Variants in SYNPO2L observed in about 807,000 individuals in gnomAD.
The protein encoded by SYNPO2L is synaptopodin 2 like.
In SYNPO2L, 34 loss-of-function variants were observed where a neutral mutation model predicts 47.5. The observed-to-expected ratio is 0.72, with a 90% confidence interval of 0.54 to 0.95. The LOEUF (loss-of-function observed/expected upper bound fraction) is 0.95. Among genes scored for constraint, SYNPO2L ranks in the 40% least tolerant of loss-of-function variants. SYNPO2L has a pLI of 0.00. For synonymous variants in SYNPO2L, 536 were observed against 524.9 expected (o/e 1.02, Z -0.29); for missense variants, 1,246 against 1,282.0 (o/e 0.97, Z 0.43).
In SYNPO2L at chr10:73,653,202, G is replaced by A. The variant is rs2081854207; in HGVS notation, c.709C>T (p.Pro237Ser). 6 of 1,478,476 alleles carry A rather than the reference G, an allele frequency of 4.1e-6. No homozygotes were observed. Among genetic ancestry groups the A allele is most frequent in the East Asian group, 5.0e-5 (2 of 40,178 alleles). The allele number at this position is 1,478,476 out of a possible 1,614,324, so 91.6% of individuals were successfully genotyped here. Reference sequence around the variant, plus strand: ...TCTTCTGCCACTGGGTGGGGAACAGGCCCCACCATAGGGATGAGATGAGGA... The same window carrying A: ...TCTTCTGCCACTGGGTGGGGAACAGACCCCACCATAGGGATGAGATGAGGA... ...PGPHLIPMVG[P>S]VPHPVAEDLT... The change falls in exon 3 of 4, where the codon CCT becomes TCT. Residue 237 changes from proline (P) to serine (S), a missense_variant. Physicochemically the swap from Pro to Ser is moderately conservative, Grantham distance 74. Around this residue, in one of 3 missense-constraint regions of SYNPO2L, gnomAD observed 1,037 missense variants for 1,021.5 expected, o/e 1.02. Coordinates refer to ENST00000394810, the MANE Select transcript of SYNPO2L (RefSeq NM_001114133.3).
rs983104393 is a variant in SYNPO2L, at chr10:73,653,292, C to T, written c.619G>A (p.Gly207Arg). 2.6e-5 allele frequency: 41 copies of T among 1,551,140 alleles called. No individual in the cohort carries two copies. Among genetic ancestry groups the T allele is most frequent in the Non-Finnish European group, 3.4e-5 (39 of 1,146,834 alleles). The change falls in exon 3 of 4, where the codon GGG becomes AGG. Residue 207 changes from glycine to arginine, a missense_variant. Gly to Arg is a moderately radical substitution (Grantham distance 125, BLOSUM62 -2). Coordinates refer to ENST00000394810, the MANE Select transcript of SYNPO2L (RefSeq NM_001114133.3). ...SRVSSPSWED[G>R]AALQPPPAEA... The stretch of plus-strand genomic sequence containing the variant: ...GCTGGGGGTGGCTGAAGGGCTGCCC[C>T]ATCCTCCCAAGACGGGGAGCTCACA...
intron 3 of SYNPO2L, 32 bp downstream of exon 3, chr10:73,653,107 C>A (rs1214737155): frequency 1.4e-6 from 2 of 1,439,826 alleles, no homozygotes; most frequent in Admixed American, 5.8e-5. Flanking sequence ...ATTGAAGGAT[C>A]CTGGCTGGGG....
At position 73,647,336 on chromosome 10, in the gene SYNPO2L, A is replaced by AT; in HGVS notation, c.2315dup (p.Tyr772Ter). The change falls in exon 4 of 4, where the codon TAT (tyrosine) becomes TAAT (stop). Residue 772 changes from tyrosine (Y) to a stop codon, truncating the protein, a stop_gained and frameshift_variant. Coordinates refer to ENST00000394810, the MANE Select transcript of SYNPO2L (RefSeq NM_001114133.3). LOFTEE classifies it high-confidence loss of function. ...CAGGACCAGGTGTACCTTCCACCAC[A>AT]TACCTGTCCGCACGGCTCTGCCGCT... Reference protein sequence around the residue: ...FAKRQSRADRYVVEGTPGPGL... With the variant: ...FAKRQSRADR 1 of 1,614,074 alleles carries AT rather than the reference A, an allele frequency of 6.2e-7. No homozygotes were observed. Among genetic ancestry groups the AT allele is most frequent in the Non-Finnish European group, 8.5e-7 (1 of 1,180,002 alleles).
At position 73,648,578 on chromosome 10, in the gene SYNPO2L, G is replaced by T; in HGVS notation, c.1074C>A (p.Asp358Glu). ...TTGAGCCCGCCCTGGCAAGCTCCAT[G>T]TCCAGATAGGGACTGTCCCAGTCAG... ...NQSDWDSPYL[D>E]MELARAGSRA... is the part of the protein sequence containing the mutation. Residue 358 changes from aspartate to glutamate, a missense_variant, in exon 4 of 4, where the codon GAC becomes GAA. Physicochemically the swap from Asp to Glu is conservative, Grantham distance 45. Coordinates refer to ENST00000394810, the MANE Select transcript of SYNPO2L (RefSeq NM_001114133.3). The T allele has an allele frequency of 6.2e-7, 1 of 1,614,202 alleles. No homozygotes were observed. The highest frequency in any genetic ancestry group is 1.1e-5 in the South Asian group (1 of 91,088).
Position 73,648,699 on chromosome 10 carries a change from CCAG to C in SYNPO2L, c.950_952del (p.Ala317del). 1 of 1,610,132 alleles carries C rather than the reference CCAG, an allele frequency of 6.2e-7. No homozygotes were observed. The highest frequency in any genetic ancestry group is 8.5e-7 in the Non-Finnish European group (1 of 1,176,766). On this transcript the variant is annotated inframe_deletion, in exon 4 of 4. Transcript: ENST00000394810. ...GCCGTCCTCCTCCTCAGCGCCTGTC[CCAG>C]CAGCAGCCCCGAAGCTCACCAGGGT...
chr10:73,645,266 CATT>C lies in SYNPO2L; in HGVS notation c.*1449_*1451del. The C allele has an allele frequency of 2.7e-6, 3 of 1,092,136 alleles. No individual in the cohort carries two copies. The highest frequency in any genetic ancestry group is 2.3e-6 in the Non-Finnish European group (2 of 887,920). The allele number at this position is 1,092,136 out of a possible 1,614,324, so 67.7% of individuals were successfully genotyped here. On this transcript the variant is annotated 3_prime_UTR_variant, in exon 4 of 4. Transcript: ENST00000394810. ...CCACCATCATTCCCTTCCATTCTAA[CATT>C]CTTCTCCCTCAAATTTTTTTCCAAT...
In SYNPO2L at chr10:73,646,914, GTGGC is replaced by G. The variant is rs754383343; in HGVS notation, c.2734_2737del (p.Ala912LeufsTer41). On this transcript the variant is annotated frameshift_variant, in exon 4 of 4. Transcript: ENST00000394810. LOFTEE classifies it high-confidence loss of function. The stretch of plus-strand genomic sequence containing the variant: ...TCTCCAGATGGGCTCATCCAGTGTA[GTGGC>G]TGCTCGGGGGGCAAGCACAGTGGGA... 2.0e-5 allele frequency: 31 copies of G among 1,584,684 alleles called. No homozygotes were observed. Among genetic ancestry groups the G allele is most frequent in the Non-Finnish European group, 2.5e-5 (29 of 1,162,976 alleles).
In SYNPO2L at chr10:73,648,599, G is replaced by A; in HGVS notation, c.1053C>T (p.Asp351=). The A allele has an allele frequency of 6.2e-7, 1 of 1,614,160 alleles. No individual in the cohort carries two copies. ...CCATGTCCAGATAGGGACTGTCCCA[G>A]TCAGATTGATTGGTGAGGCTGCGGG... ...SDARSLTNQS[D]WDSPYLDMEL... is the part of the protein sequence containing the mutation. The change falls in exon 4 of 4, where the codon GAC becomes GAT. Residue 351 remains aspartate, a synonymous_variant. Coordinates refer to ENST00000394810, the MANE Select transcript of SYNPO2L (RefSeq NM_001114133.3).
chr10:73,656,018 CCTG>C lies in SYNPO2L; in HGVS notation c.-99_-97del. 9.7e-7 allele frequency: 1 copy of C among 1,031,614 alleles called. No homozygotes were observed. Among genetic ancestry groups the C allele is most frequent in the Non-Finnish European group, 1.4e-6 (1 of 717,106 alleles). The allele number at this position is 1,031,614 out of a possible 1,614,324, so 63.9% of individuals were successfully genotyped here. A position where few individuals can be genotyped will look rare whatever the true frequency, so the allele number is the denominator to read the frequency against. ...CCGTCTGGGCTTCCTGTCCGGCTGT[CCTG>C]CTCCTGCTGCCCCAGGCCTCCCCCC... On this transcript the variant is annotated 5_prime_UTR_variant, in exon 1 of 4. Transcript: ENST00000394810.
chr10:73,648,230 G>A lies in SYNPO2L; in HGVS notation c.1422C>T (p.Gly474=), dbSNP rs1334101991. ...TGGTAGTTGGCCGCTGCCCTTGTAG[G>A]CCCGGGGTAAAGGGCCTGGCTGACC... ...FNRSARPFTP[G]LQGQRPTTTS... Residue 474 remains glycine (G), a synonymous_variant, in exon 4 of 4, where the codon GGC becomes GGT. Transcript: ENST00000394810. 2 of 1,586,332 alleles carry A rather than the reference G, an allele frequency of 1.3e-6. No homozygotes were observed. The highest frequency in any genetic ancestry group is 1.7e-6 in the Non-Finnish European group (2 of 1,169,080).
chr10:73,653,983 A>C, intron 2 of SYNPO2L, 146 bp downstream of exon 2: 1 of 1,098,310 alleles, frequency 9.1e-7, no homozygotes, highest in Non-Finnish European at 1.3e-6. Flanking sequence ...TCTGGGAGGC[A>C]GACACAAACC....
At chr10:73,649,840 G>GTT (rs1372337936) in intron 3 of SYNPO2L, 1 of 985,260 alleles carries the variant, frequency 1.0e-6, no homozygotes, top group East Asian at 1.1e-4. Context: ...CCAAGATGCA[G>GTT]GAAAAGTTAG....
rs1394127863 is a variant in SYNPO2L at position 73,648,133 on chromosome 10, G to C, written c.1519C>G (p.Pro507Ala). ...GGCCCCTGCGAAGACAAGAAGGGGG[G>C]TGGGGCGGGGCTGAGGCCCCCCAGG... is the stretch of plus-strand genomic sequence containing the variant. ...DSLGGLSPAP[P>A]PFLSSQGPTP... The change falls in exon 4 of 4, where the codon CCC (proline) becomes GCC (alanine). Residue 507 changes from proline to alanine, a missense_variant. Coordinates refer to ENST00000394810, the MANE Select transcript of SYNPO2L (RefSeq NM_001114133.3). 2 of 1,538,564 alleles carry C rather than the reference G, an allele frequency of 1.3e-6. 1 individual carries two copies. The highest frequency in any genetic ancestry group is 2.5e-5 in the South Asian group (2 of 79,340).
intron 2 of SYNPO2L, 100 bp downstream of exon 2, chr10:73,654,029 G>C (rs915005876): frequency 1.4e-6 from 2 of 1,417,932 alleles, no homozygotes; most frequent in East Asian, 5.0e-5. Context: ...AGCAGAAATA[G>C]GTACCTGTTA....
chr10:73,645,876 G>T lies in SYNPO2L; in HGVS notation c.*842C>A. 1.0e-6 allele frequency: 1 copy of T among 979,984 alleles called. No homozygotes were observed. Among genetic ancestry groups the T allele is most frequent in the Non-Finnish European group, 1.2e-6 (1 of 824,578 alleles). The allele number at this position is 979,984 out of a possible 1,614,324, so 60.7% of individuals were successfully genotyped here. A position where few individuals can be genotyped will look rare whatever the true frequency, so the allele number is the denominator to read the frequency against. ...GTCTCGCTCCGTCGCCCAGGCTGGA[G>T]TGCAGTGGCGCAATCTCAGCTCACT... On this transcript the variant is annotated 3_prime_UTR_variant, in exon 4 of 4. Coordinates refer to ENST00000394810, the MANE Select transcript of SYNPO2L (RefSeq NM_001114133.3).
rs148105482 is a variant in SYNPO2L, at chr10:73,647,790, G to T, written c.1862C>A (p.Thr621Lys). Reference protein sequence around the residue: ...EQRISVPAARTGILQEARRRG... With the variant: ...EQRISVPAARKGILQEARRRG... ...GCGCCGGGCCTCCTGCAGGATACCC[G>T]TGCGGGCAGCTGGCACAGAGATGCG... is the stretch of plus-strand genomic sequence containing the variant. The change falls in exon 4 of 4, where the codon ACG becomes AAG. Residue 621 changes from threonine (T) to lysine (K), a missense_variant. Thr to Lys is a moderately conservative substitution (Grantham distance 78, BLOSUM62 -1). Around this residue, in one of 3 missense-constraint regions of SYNPO2L, gnomAD observed 1,037 missense variants for 1,021.5 expected, o/e 1.02. Coordinates refer to ENST00000394810, the MANE Select transcript of SYNPO2L (RefSeq NM_001114133.3). 1.2e-6 allele frequency: 2 copies of T among 1,611,218 alleles called. No homozygotes were observed. Among genetic ancestry groups the T allele is most frequent in the Non-Finnish European group, 1.7e-6 (2 of 1,178,138 alleles).
At chr10:73,652,066 CAAAAA>C (rs1178972762) in intron 3 of SYNPO2L, among the ~76,000 whole-genome samples, 1 of 47,800 alleles carries the variant, frequency 2.1e-5, no homozygotes, top group South Asian at 1.1e-3. Flanking sequence ...GACTCTATCT[CAAAAA>C]AAAAAAAAAA....
At position 73,648,019 on chromosome 10, in the gene SYNPO2L, T is replaced by A. The variant is rs2081791936; in HGVS notation, c.1633A>T (p.Thr545Ser). Residue 545 changes from threonine to serine, a missense_variant, in exon 4 of 4, where the codon ACA becomes TCA. Physicochemically the swap from Thr to Ser is moderately conservative, Grantham distance 58. Coordinates refer to ENST00000394810, the MANE Select transcript of SYNPO2L (RefSeq NM_001114133.3). ...PSTPRSSGPV[T>S]ATSSLYIPAP... ...GGGATGTACAGGGAGCTGGTGGCTG[T>A]CACAGGGCCCGAGGAGCGTGGGGTG... is the stretch of plus-strand genomic sequence containing the variant. 6.3e-7 allele frequency: 1 copy of A among 1,585,258 alleles called. No individual in the cohort carries two copies. Among genetic ancestry groups the A allele is most frequent in the South Asian group, 1.2e-5 (1 of 86,562 alleles).
Position 73,645,857 on chromosome 10 carries a change from C to G in SYNPO2L, c.*861G>C, listed in dbSNP as rs762544582. 1.0e-6 allele frequency: 1 copy of G among 984,956 alleles called. No individual in the cohort carries two copies. The highest frequency in any genetic ancestry group is 4.7e-5 in the South Asian group (1 of 21,270). 61.0% of individuals were successfully genotyped at this position (984,956 alleles called of 1,614,324 possible). A position where few individuals can be genotyped will look rare whatever the true frequency, so the allele number is the denominator to read the frequency against. ...TTGTTTGTTTTGAGACAGAGTCTCG[C>G]TCCGTCGCCCAGGCTGGAGTGCAGT... is the stretch of plus-strand genomic sequence containing the variant. On this transcript the variant is annotated 3_prime_UTR_variant, in exon 4 of 4. Transcript: ENST00000394810.
Sources: gnomAD v4.1 joint callset for allele counts (sites outside exome capture counted in the v4.1 genomes callset) on GRCh38, gnomAD v4.1.1 for gene constraint, gnomAD v4.1.1 regional missense constraint, MANE v1.5 for transcripts, NCBI Gene and HGNC (gene_info 2026-07-23, HGNC 2026-07-21) for gene names.